The following ARHGAP35 variants were observed in gnomAD, a reference collection of about 807,000 sequenced individuals.
ARHGAP35 encodes the protein rho GTPase-activating protein 35.
Under a neutral mutation model 111.1 loss-of-function variants are expected in ARHGAP35, and 15 were observed. The observed-to-expected ratio is 0.13, with a 90% CI of 0.09 to 0.21. The LOEUF is 0.21. Among genes scored for constraint, ARHGAP35 ranks in the 10% least tolerant of loss-of-function variants. The probability of loss-of-function intolerance (pLI) is 1.00; values close to 1 mark genes in which losing one functional copy is unlikely to be tolerated. For missense variants in ARHGAP35, 1,262 were observed against 1,873.0 expected, an observed-to-expected ratio of 0.67 and a Z score of 6.02; for synonymous variants, 643 against 710.3, an observed-to-expected ratio of 0.91 and a Z score of 1.51.
At chr19:46,872,517 G>A (rs1462060541) in intron 1 of ARHGAP35, among the ~76,000 whole-genome samples, 1 of 151,368 alleles carries the variant, frequency 6.6e-6, no homozygotes, top group East Asian at 1.9e-4. Context: ...AGAAATTCAT[G>A]GTAAGATCTG....
chr19:46,884,209 G>A (rs908571161), intron 1 of ARHGAP35, among the ~76,000 whole-genome samples: 1 of 152,108 alleles, frequency 6.6e-6, no homozygotes, highest in Admixed American at 6.6e-5. Flanking sequence ...ACTTTTGGAA[G>A]CGAAGGCAGG....
intron 5 of ARHGAP35, among the ~76,000 whole-genome samples, chr19:46,995,033 C>T (rs1427827355): frequency 6.6e-6 from 1 of 152,184 alleles, no homozygotes; most frequent in Admixed American, 6.5e-5. Context: ...TGGTTCCAAC[C>T]AGGGCAGCTG....
intron 1 of ARHGAP35, among the ~76,000 whole-genome samples, chr19:46,882,918 C>G (rs944584011): frequency 1.3e-5 from 2 of 152,146 alleles, no homozygotes; most frequent in Non-Finnish European, 2.9e-5. Context: ...AGAACTTTTC[C>G]TTCGCTTTAA....
rs1466858389 is a variant in ARHGAP35, at chr19:46,992,497, C to G, written c.4036+2822C>G. Among the ~76,000 whole-genome samples the G allele has an allele frequency of 6.6e-6, 1 of 152,226 alleles. No individual in the cohort carries two copies. Among genetic ancestry groups the G allele is most frequent in the Admixed American group, 6.5e-5 (1 of 15,296 alleles). ...CTGTCTCCTACCTGTAGCCCACCCC[C>G]ACCTTCAAGAGTCGCTCTTGCCTGG... is the stretch of plus-strand genomic sequence containing the variant. On this transcript the variant is annotated intron_variant, in intron 5 of 6. Transcript: ENST00000672722. This position sits in a 1 kb window ranked among gnomAD's most constrained non-coding sequence, Gnocchi z 4.4.
intron 3 of ARHGAP35, among the ~76,000 whole-genome samples, chr19:46,938,226 G>C (rs187558363): frequency 1.4e-3 from 212 of 152,306 alleles, no homozygotes; most frequent in African/African-American, 4.8e-3. Context: ...AGTATTGTGT[G>C]GTGTGGACAG....
intron 1 of ARHGAP35, among the ~76,000 whole-genome samples, chr19:46,897,916 A>G (rs1042042826): frequency 1.3e-5 from 2 of 152,132 alleles, no homozygotes; most frequent in African/African-American, 4.8e-5. Context: ...TTAGAATTAG[A>G]GTGACCATTT....
At chr19:46,956,159 A>G (rs1460895348) in intron 3 of ARHGAP35, among the ~76,000 whole-genome samples, 1 of 152,140 alleles carries the variant, frequency 6.6e-6, no homozygotes, top group East Asian at 1.9e-4. Flanking sequence ...CTCTACTAAA[A>G]ATACAAAAAT....
At chr19:46,987,079 C>T (rs963638131) in intron 3 of ARHGAP35, among the ~76,000 whole-genome samples, 1 of 151,934 alleles carries the variant, frequency 6.6e-6, no homozygotes, top group Non-Finnish European at 1.5e-5. Context: ...CCACCCACCT[C>T]GACCTCCCAA....
chr19:46,999,296 C>G lies in ARHGAP35; in HGVS notation c.4037-8C>G, dbSNP rs1440882141. The stretch of plus-strand genomic sequence containing the variant: ...GAAAGGCAAGGCTTTGGTTTTCTCT[C>G]TCCTCAGAAATCAACGACCGGGAGC... On this transcript the variant is annotated splice_polypyrimidine_tract_variant and splice_region_variant and intron_variant, in intron 5 of 6. Coordinates refer to ENST00000672722, the MANE Select transcript of ARHGAP35 (RefSeq NM_004491.5). The surrounding 1 kb of genome is among the most constrained non-coding windows in gnomAD (Gnocchi z 5.4). 3 of 1,570,794 alleles carry G rather than the reference C, an allele frequency of 1.9e-6. No homozygotes were observed. The highest frequency in any genetic ancestry group is 8.6e-7 in the Non-Finnish European group (1 of 1,157,010).
At chr19:46,941,873 C>CT (rs2056349052) in intron 3 of ARHGAP35, among the ~76,000 whole-genome samples, 1 of 61,878 alleles carries the variant, frequency 1.6e-5, no homozygotes, top group African/African-American at 6.8e-5. Flanking sequence ...GACCCTGTCT[C>CT]TTTAAAAAAA....
rs889025373 is a variant in ARHGAP35 at position 46,918,510 on chromosome 19, G to A, written c.-166G>A. Among the ~76,000 whole-genome samples the A allele has an allele frequency of 3.3e-5, 5 of 151,966 alleles. No individual in the cohort carries two copies. Among genetic ancestry groups the A allele is most frequent in the East Asian group, 1.9e-4 (1 of 5,190 alleles). On this transcript the variant is annotated 5_prime_UTR_variant, in exon 2 of 7. Coordinates refer to ENST00000672722, the MANE Select transcript of ARHGAP35 (RefSeq NM_004491.5). This position sits in a 1 kb window ranked among gnomAD's most constrained non-coding sequence, Gnocchi z 5.4. The stretch of plus-strand genomic sequence containing the variant: ...TAGGAAGAAATGTTGGCTATTTGGC[G>A]ATGAGAGGTGGTGAACAGTGACCAT...
At chr19:46,897,381 G>A (rs917901510) in intron 1 of ARHGAP35, among the ~76,000 whole-genome samples, 3 of 151,600 alleles carry the variant, frequency 2.0e-5, no homozygotes, top group Non-Finnish European at 2.9e-5. Flanking sequence ...AGCAAATGCA[G>A]TGATGAAGGG....
Position 46,921,375 on chromosome 19 carries a change from A to G in ARHGAP35, c.2700A>G (p.Leu900=), listed in dbSNP as rs2056199122. The change falls in exon 2 of 7, where the codon TTA becomes TTG. Residue 900 remains leucine, a synonymous_variant. Transcript: ENST00000672722. The surrounding 1 kb of genome is among the most constrained non-coding windows in gnomAD (Gnocchi z 4.3). ...CTGTAGATGTCCTGGACAATGACTT[A>G]AGTAGGGAACAGCTAACTGAGGGGG... The part of the protein sequence containing the change: ...DGAVDVLDND[L]SREQLTEGEE... The G allele has an allele frequency of 6.2e-7, 1 of 1,613,832 alleles. No homozygotes were observed. Among genetic ancestry groups the G allele is most frequent in the East Asian group, 2.2e-5 (1 of 44,892 alleles).
rs1330450455 is a variant in ARHGAP35 at position 46,994,610 on chromosome 19, AG to A, written c.4037-4690del. Among the ~76,000 whole-genome samples the A allele has an allele frequency of 6.6e-6, 1 of 152,092 alleles. No homozygotes were observed. Among genetic ancestry groups the A allele is most frequent in the African/African-American group, 2.4e-5 (1 of 41,406 alleles). On this transcript the variant is annotated intron_variant, in intron 5 of 6. Transcript: ENST00000672722. The surrounding 1 kb of genome is among the most constrained non-coding windows in gnomAD (Gnocchi z 5.4). Reference sequence around the variant, plus strand: ...GCCGGGGATGAGGATGGTGGTCAGGAGGGGAAACAGAGGCAGGGCCAGGAAG... The same window carrying A: ...GCCGGGGATGAGGATGGTGGTCAGGAGGGAAACAGAGGCAGGGCCAGGAAG...
At chr19:46,867,490 T>A (rs553523240) in intron 1 of ARHGAP35, among the ~76,000 whole-genome samples, 1 of 152,344 alleles carries the variant, frequency 6.6e-6, no homozygotes, top group Admixed American at 6.5e-5. Context: ...ACTAGCTTTG[T>A]GACTAGCCAA....
intron 1 of ARHGAP35, among the ~76,000 whole-genome samples, chr19:46,876,044 C>T (rs77799419): frequency 0.02 from 3,042 of 152,230 alleles, 120 homozygotes; most frequent in African/African-American, 0.068. Flanking sequence ...CTGCTCTGCA[C>T]CCTCCGACAA....
chr19:46,930,836 T>C (rs1033515636), intron 2 of ARHGAP35, among the ~76,000 whole-genome samples: 1 of 151,934 alleles, frequency 6.6e-6, no homozygotes, highest in African/African-American at 2.4e-5. Flanking sequence ...ACCAAATAGA[T>C]TGGAAGTTCA....
At chr19:46,868,651 C>T (rs996162977) in intron 1 of ARHGAP35, among the ~76,000 whole-genome samples, 2 of 152,084 alleles carry the variant, frequency 1.3e-5, no homozygotes, top group African/African-American at 4.8e-5. Flanking sequence ...ACTAGTCTAA[C>T]AGGAAGAAGG....
chr19:46,882,216 C>T (rs1389584652), intron 1 of ARHGAP35, among the ~76,000 whole-genome samples: 2 of 151,984 alleles, frequency 1.3e-5, no homozygotes, highest in Non-Finnish European at 2.9e-5. Flanking sequence ...TTACTGTAGC[C>T]TCAGCCTCCC....
Sources: allele counts gnomAD v4.1 joint callset (sites outside exome capture counted in the v4.1 genomes callset), GRCh38; gene constraint gnomAD v4.1.1; non-coding constraint Gnocchi (gnomAD v3.1); transcripts MANE v1.5; gene names NCBI Gene and HGNC (gene_info 2026-07-23, HGNC 2026-07-21).